The following ANKS1A variants were observed in gnomAD, a reference collection of about 807,000 sequenced individuals.
ANKS1A encodes the protein ankyrin repeat and sterile alpha motif domain containing 1A, also known as ankyrin repeat and SAM domain-containing protein 1A.
In ANKS1A, 55 loss-of-function variants were observed where a neutral mutation model predicts 120.3. The observed-to-expected ratio is 0.46, with a 90% CI of 0.37 to 0.57. The LOEUF (loss-of-function observed/expected upper bound fraction) is 0.57. Ranked by LOEUF, ANKS1A falls within the 20% of genes least tolerant of loss-of-function variation. ANKS1A has a pLI of 0.00. For missense variants in ANKS1A, 1,123 were observed against 1,480.3 expected, an observed-to-expected ratio of 0.76 and a Z score of 3.96; for synonymous variants, 590 against 604.7, an observed-to-expected ratio of 0.98 and a Z score of 0.36.
At chr6:34,962,870 T>A (rs567484090) in intron 1 of ANKS1A, among the ~76,000 whole-genome samples, 1 of 151,734 alleles carries the variant, frequency 6.6e-6, no homozygotes, top group South Asian at 2.1e-4. Context: ...TTTCTTTTTT[T>A]TTTTCTTTTG....
At chr6:34,967,524 A>C (rs572609562) in intron 2 of ANKS1A, among the ~76,000 whole-genome samples, 9 of 97,020 alleles carry the variant, frequency 9.3e-5, no homozygotes, top group Non-Finnish European at 1.6e-4. Context: ...CATCTCCACA[A>C]AAAAAAAAAA....
At chr6:34,980,562 T>C (rs968906142) in intron 3 of ANKS1A, among the ~76,000 whole-genome samples, 1 of 152,226 alleles carries the variant, frequency 6.6e-6, no homozygotes, top group Non-Finnish European at 1.5e-5. Flanking sequence ...ACATTTAATT[T>C]TGACCTTTTG....
rs1214102386 is a variant in ANKS1A, at chr6:35,085,574, A to T, written c.3133-192A>T. 6.6e-6 allele frequency among the ~76,000 whole-genome samples: 1 copy of T among 151,824 alleles called. No homozygotes were observed. Among genetic ancestry groups the T allele is most frequent in the East Asian group, 1.9e-4 (1 of 5,140 alleles). On this transcript the variant is annotated intron_variant, in intron 21 of 23. Transcript: ENST00000360359. The surrounding 1 kb of genome is among the most constrained non-coding windows in gnomAD (Gnocchi z 4.7). Reference sequence around the variant, plus strand: ...TCCCCGCAGCCCAGCTCCCGGCCACATCCTGTGTAGAGCGGGAAGAACAAC... The same window carrying T: ...TCCCCGCAGCCCAGCTCCCGGCCACTTCCTGTGTAGAGCGGGAAGAACAAC...
rs1561902202 is a variant in ANKS1A, at chr6:34,998,511, G to GCT, written c.1423+4089_1423+4090insCT. Among the ~76,000 whole-genome samples the GCT allele has an allele frequency of 2.6e-5, 4 of 151,974 alleles. No individual in the cohort carries two copies. In the East Asian group the frequency reaches 7.7e-4, roughly 29 times the overall value. On this transcript the variant is annotated intron_variant, in intron 10 of 23. Coordinates refer to ENST00000360359, the MANE Select transcript of ANKS1A (RefSeq NM_015245.3). ...GCCTGGGCCTGCCTGACCTAAGCCTGGTAGTTAAAATTCTACCCCTGACCT... is the reference window on the plus strand; with the variant it reads ...GCCTGGGCCTGCCTGACCTAAGCCTGCTGTAGTTAAAATTCTACCCCTGACCT...
In ANKS1A at chr6:35,017,863, G is replaced by A. The variant is rs369065359; in HGVS notation, c.1814G>A (p.Ser605Asn). 88 of 1,614,102 alleles carry A rather than the reference G, an allele frequency of 5.5e-5. No homozygotes were observed. Among genetic ancestry groups the A allele is most frequent in the Middle Eastern group, 3.3e-4 (2 of 6,084 alleles). Reference protein sequence around the residue: ...AEEGDRSGARSRAPPTSKPKA... With the variant: ...AEEGDRSGARNRAPPTSKPKA... ...GAAGGAGACCGGAGTGGGGCCAGGA[G>A]CCGAGCGCCTCCCACTAGCAAACCC... The change falls in exon 11 of 24, where the codon AGC becomes AAC. Residue 605 changes from serine (S) to asparagine (N), a missense_variant. Around this residue, in one of 3 missense-constraint regions of ANKS1A, gnomAD observed 904 missense variants for 1,130.4 expected, o/e 0.80. Transcript: ENST00000360359.
At chr6:34,993,758 G>C (rs1160772110) in intron 9 of ANKS1A, among the ~76,000 whole-genome samples, 1 of 152,166 alleles carries the variant, frequency 6.6e-6, no homozygotes, top group Non-Finnish European at 1.5e-5. Context: ...TCCAGTCTTT[G>C]GATAGTATAT....
chr6:35,083,281 C>CA, intron 19 of ANKS1A, 55 bp downstream of exon 19: 1 of 1,607,090 alleles, frequency 6.2e-7, no homozygotes, highest in South Asian at 1.1e-5. Flanking sequence ...CAGAAGGCAG[C>CA]AATGGGGGCA....
intron 1 of ANKS1A, among the ~76,000 whole-genome samples, chr6:34,911,592 C>T (rs1767910641): frequency 6.6e-6 from 1 of 152,156 alleles, no homozygotes; most frequent in Admixed American, 6.5e-5. Context: ...TTGAAAACTT[C>T]TAGAAAAGGC....
At chr6:35,078,732 C>T in intron 14 of ANKS1A, 76 bp downstream of exon 14, 4 of 1,398,760 alleles carry the variant, frequency 2.9e-6, no homozygotes, top group Non-Finnish European at 4.0e-6. Context: ...GCACCAAGAA[C>T]AGGGGAGGAG....
At chr6:35,051,198 A>T (rs78724467) in intron 11 of ANKS1A, among the ~76,000 whole-genome samples, 1 of 149,850 alleles carries the variant, frequency 6.7e-6, no homozygotes, top group Non-Finnish European at 1.5e-5. Context: ...TGTCTCAAAG[A>T]AAAAAAAAAG....
At chr6:35,094,098 C>T (rs1778389181), downstream of ANKS1A, among the ~76,000 whole-genome samples, 1 of 152,218 alleles carries the variant, frequency 6.6e-6, no homozygotes, top group Non-Finnish European at 1.5e-5. Flanking sequence ...TGGGCTTTGA[C>T]CCCCAACCTG....
chr6:34,957,391 G>A (rs1276714706), intron 1 of ANKS1A, among the ~76,000 whole-genome samples: 1 of 152,176 alleles, frequency 6.6e-6, no homozygotes. Flanking sequence ...AAGCATTTTA[G>A]GAAGGATGTG....
At chr6:35,093,536 AATG>A (rs1467896375), downstream of ANKS1A, among the ~76,000 whole-genome samples, 3 of 152,346 alleles carry the variant, frequency 2.0e-5, no homozygotes, top group East Asian at 5.8e-4. Flanking sequence ...TGCATAGCAA[AATG>A]CACCTTTGAG....
At chr6:34,916,224 C>T (rs1167676922) in intron 1 of ANKS1A, among the ~76,000 whole-genome samples, 1 of 151,970 alleles carries the variant, frequency 6.6e-6, no homozygotes, top group Admixed American at 6.6e-5. Context: ...AACTCTTGGC[C>T]GCAGGTGATC....
chr6:34,990,945 T>G (rs1162582263), intron 9 of ANKS1A, among the ~76,000 whole-genome samples: 1 of 152,210 alleles, frequency 6.6e-6, no homozygotes, highest in Non-Finnish European at 1.5e-5. Flanking sequence ...CAGATTTTAT[T>G]CATATGCTGT....
At chr6:35,037,954 A>G (rs1010616467) in intron 11 of ANKS1A, among the ~76,000 whole-genome samples, 1 of 152,074 alleles carries the variant, frequency 6.6e-6, no homozygotes, top group African/African-American at 2.4e-5. Flanking sequence ...TCTGGGTCTC[A>G]GAGTCTGGGC....
chr6:34,935,785 G>A (rs918269647), intron 1 of ANKS1A, among the ~76,000 whole-genome samples: 7 of 152,274 alleles, frequency 4.6e-5, no homozygotes, highest in East Asian at 1.9e-4. Context: ...CTGGTGGGCC[G>A]GGCGCGGTGG....
intron 13 of ANKS1A, among the ~76,000 whole-genome samples, chr6:35,075,731 A>AT (rs914556329): frequency 2.0e-4 from 31 of 152,026 alleles, no homozygotes; most frequent in African/African-American, 7.2e-4. Context: ...AATTTGCTTT[A>AT]TTTTTTGTTG....
At chr6:35,000,063 A>G (rs1773078102) in intron 10 of ANKS1A, among the ~76,000 whole-genome samples, 1 of 152,240 alleles carries the variant, frequency 6.6e-6, no homozygotes, top group South Asian at 2.1e-4. Context: ...TTTGAAACCT[A>G]TAATTGATAA....
Sources: gnomAD v4.1 joint callset for allele counts (sites outside exome capture counted in the v4.1 genomes callset) on GRCh38, gnomAD v4.1.1 for gene constraint, gnomAD v4.1.1 regional missense constraint, Gnocchi (gnomAD v3.1) non-coding constraint, MANE v1.5 for transcripts, NCBI Gene and HGNC (gene_info 2026-07-23, HGNC 2026-07-21) for gene names.